Variants in DYM observed in about 807,000 individuals in gnomAD.
DYM encodes the protein dymeclin, also known as dyggve-Melchior-Clausen syndrome protein.
In DYM, 78 loss-of-function variants were observed where a neutral mutation model predicts 93.1. The observed-to-expected ratio is 0.84, with a 90% confidence interval of 0.70 to 1.01. The LOEUF (loss-of-function observed/expected upper bound fraction) is 1.01, where lower values mean the gene tolerates loss of function less well. Ranked by LOEUF, DYM falls within the 50% of genes least tolerant of loss-of-function variation. The pLI is 0.00. For synonymous variants in DYM, 321 were observed against 319.7 expected (o/e 1.00, Z -0.04); for missense variants, 789 against 845.0 (o/e 0.93, Z 0.82).
At chr18:49,457,180 G>A (rs1457425917) in intron 1 of DYM, among the ~76,000 whole-genome samples, 2 of 152,188 alleles carry the variant, frequency 1.3e-5, no homozygotes, top group Non-Finnish European at 2.9e-5. Context: ...CATTCTGCCT[G>A]AAGATATTCT....
chr18:49,063,619 CTTTTTT>C (rs67482709), intron 17 of DYM, among the ~76,000 whole-genome samples: 2 of 71,966 alleles, frequency 2.8e-5, no homozygotes, highest in African/African-American at 9.9e-5. Flanking sequence ...CTTTCTCTCT[CTTTTTT>C]TTTTTTTTTT....
chr18:49,231,840 G>GT (rs2093704805), intron 13 of DYM, among the ~76,000 whole-genome samples: 2 of 152,156 alleles, frequency 1.3e-5, no homozygotes, highest in Non-Finnish European at 2.9e-5. Context: ...AATACAAACT[G>GT]TAAGTACTAA....
At chr18:49,282,722 A>C (rs975709639) in intron 9 of DYM, among the ~76,000 whole-genome samples, 4 of 152,242 alleles carry the variant, frequency 2.6e-5, no homozygotes, top group Non-Finnish European at 5.9e-5. Context: ...CTATAAGAAC[A>C]TGAACTTAAA....
At chr18:49,127,053 G>C (rs76536296) in intron 15 of DYM, among the ~76,000 whole-genome samples, 3,895 of 152,248 alleles carry the variant, frequency 0.026, 61 homozygotes, top group South Asian at 0.066. Context: ...GTCAGAGGTA[G>C]AATCTGCTGG....
intron 1 of DYM, among the ~76,000 whole-genome samples, chr18:49,439,096 C>A (rs1351534074): frequency 1.3e-5 from 2 of 152,140 alleles, no homozygotes; most frequent in African/African-American, 4.8e-5. Flanking sequence ...TTCCATGATA[C>A]TACTTTCAAA....
chr18:49,218,744 A>G (rs1388285550), intron 13 of DYM, among the ~76,000 whole-genome samples: 1 of 152,224 alleles, frequency 6.6e-6, no homozygotes, highest in Non-Finnish European at 1.5e-5. Context: ...TCTCTGGGAC[A>G]CATTCAAAGC....
At chr18:49,370,276 C>T (rs1568331014) in intron 5 of DYM, among the ~76,000 whole-genome samples, 1 of 132,320 alleles carries the variant, frequency 7.6e-6, no homozygotes, top group Non-Finnish European at 1.6e-5. Flanking sequence ...GAAACTCCAT[C>T]TCAGAAAAAA....
rs1182457759 is a variant in DYM, at chr18:49,258,833, CACACACAGAGAGAG to C, written c.1252-354_1252-341del. Among the ~76,000 whole-genome samples, 7 of 142,256 alleles carry C rather than the reference CACACACAGAGAGAG, an allele frequency of 4.9e-5. No homozygotes were observed. In the East Asian group the frequency reaches 1.5e-3, roughly 30 times the overall value. 93.3% of individuals were successfully genotyped at this position (142,256 alleles called of 152,430 possible). A position where few individuals can be genotyped will look rare whatever the true frequency, so the allele number is the denominator to read the frequency against. ...ACACACACACACACAGAGACACACA[CACACACAGAGAGAG>C]AGAGAGAGAGAGAGAGAGAGAGAGA... is the stretch of plus-strand genomic sequence containing the variant. On this transcript the variant is annotated intron_variant, in intron 11 of 17. Coordinates refer to ENST00000675505, the MANE Select transcript of DYM (RefSeq NM_001353214.3).
rs749112988 is a variant in DYM at position 49,333,716 on chromosome 18, G to C, written c.620+12C>G. On this transcript the variant is annotated intron_variant, in intron 7 of 17. Transcript: ENST00000675505. ...AATGAAAAAACTAGACATACTTAAAGTAGAAACATACCATGGACCTCGCAT... is the reference window on the plus strand; with the variant it reads ...AATGAAAAAACTAGACATACTTAAACTAGAAACATACCATGGACCTCGCAT... The C allele has an allele frequency of 6.2e-7, 1 of 1,613,400 alleles. No individual in the cohort carries two copies. The highest frequency in any genetic ancestry group is 8.5e-7 in the Non-Finnish European group (1 of 1,179,558).
At chr18:49,063,705 C>T (rs2076177082) in intron 17 of DYM, among the ~76,000 whole-genome samples, 1 of 147,878 alleles carries the variant, frequency 6.8e-6, no homozygotes, top group South Asian at 2.1e-4. Flanking sequence ...TGGCTCACTG[C>T]AGCCTCCGCT....
intron 11 of DYM, among the ~76,000 whole-genome samples, chr18:49,264,103 T>C (rs902880467): frequency 5.9e-5 from 2 of 33,996 alleles, no homozygotes; most frequent in African/African-American, 1.6e-4. Context: ...TGGGCGTTGT[T>C]TTTTTTTTTT....
At chr18:49,295,222 G>C (rs1475355787) in intron 8 of DYM, among the ~76,000 whole-genome samples, 1 of 152,116 alleles carries the variant, frequency 6.6e-6, no homozygotes, top group Non-Finnish European at 1.5e-5. Context: ...CACCAAAAAA[G>C]TTATTGAACA....
intron 16 of DYM, among the ~76,000 whole-genome samples, chr18:49,100,434 T>C (rs1387757949): frequency 6.6e-6 from 1 of 152,088 alleles, no homozygotes; most frequent in Non-Finnish European, 1.5e-5. Context: ...TTTTGCTTTG[T>C]TGACTCTGCG....
chr18:49,080,150 C>CGGGGGGG (rs749381960), intron 17 of DYM, among the ~76,000 whole-genome samples: 7 of 10,128 alleles, frequency 6.9e-4, no homozygotes, highest in Admixed American at 8.7e-4. Flanking sequence ...GGCGGCTGGC[C>CGGGGGGG]GGGGGGGGGC....
rs1023029500 is a variant in DYM at position 49,105,171 on chromosome 18, C to G, written c.1912-7656G>C. On this transcript the variant is annotated intron_variant, in intron 16 of 17. Transcript: ENST00000675505. ...GTGTCCAGGAATTTATCCATTTCTTCTAGATTTTCTAGTTTATTTGCGTAG... is the reference window on the plus strand; with the variant it reads ...GTGTCCAGGAATTTATCCATTTCTTGTAGATTTTCTAGTTTATTTGCGTAG... 6.6e-5 allele frequency among the ~76,000 whole-genome samples: 10 copies of G among 152,296 alleles called. No individual in the cohort carries two copies. In the East Asian group the frequency reaches 1.3e-3, roughly 21 times the overall value.
intron 14 of DYM, among the ~76,000 whole-genome samples, chr18:49,207,630 TTC>T (rs2092584568): frequency 6.6e-6 from 1 of 152,148 alleles, no homozygotes; most frequent in Non-Finnish European, 1.5e-5. Context: ...GAAGAAGGAA[TTC>T]TGTCTGAAGA....
intron 17 of DYM, among the ~76,000 whole-genome samples, chr18:49,064,096 CCTT>C (rs1449551759): frequency 6.6e-6 from 1 of 152,110 alleles, no homozygotes; most frequent in Non-Finnish European, 1.5e-5. Flanking sequence ...AAAGGACTAG[CCTT>C]CTTATTTTTA....
intron 14 of DYM, among the ~76,000 whole-genome samples, chr18:49,176,511 A>G (rs941680238): frequency 6.6e-5 from 10 of 151,392 alleles, no homozygotes; most frequent in African/African-American, 2.2e-4. Flanking sequence ...TCTGGACCCA[A>G]GTGATTCTCC....
chr18:49,379,621 C>T, intron 4 of DYM, 44 bp downstream of exon 4: 2 of 1,468,486 alleles, frequency 1.4e-6, no homozygotes, highest in South Asian at 2.3e-5. Context: ...CTAAAATTCA[C>T]ATTGTTAAAT....
Sources: gnomAD v4.1 joint callset for allele counts (sites outside exome capture counted in the v4.1 genomes callset) on GRCh38, gnomAD v4.1.1 for gene constraint, MANE v1.5 for transcripts, NCBI Gene and HGNC (gene_info 2026-07-23, HGNC 2026-07-21) for gene names.